Variants in SH3BP5 observed in about 807,000 individuals in gnomAD.
SH3BP5 encodes the protein SH3 domain-binding protein 5.
SH3BP5 carries 22 observed loss-of-function variants against 43.3 expected under a neutral mutation model. That is an observed-to-expected ratio of 0.51 (90% CI 0.36 to 0.73). The LOEUF is 0.73. SH3BP5 is among the 30% of genes least tolerant of loss of function. The pLI is 0.00. For synonymous variants in SH3BP5, 255 were observed against 225.8 expected (o/e 1.13, Z -1.16); for missense variants, 529 against 586.9 (o/e 0.90, Z 1.02).
At chr3:15,305,477 C>T (rs1327717842) in intron 2 of SH3BP5, among the ~76,000 whole-genome samples, 3 of 152,202 alleles carry the variant, frequency 2.0e-5, no homozygotes, top group Non-Finnish European at 4.4e-5. Flanking sequence ...ACAGCCCGTT[C>T]CAGAAAAGTC....
chr3:15,269,783 C>T lies in SH3BP5; in HGVS notation c.425G>A (p.Arg142Gln), dbSNP rs754769798. The T allele has an allele frequency of 2.5e-6, 4 of 1,612,066 alleles. No homozygotes were observed. Among genetic ancestry groups the T allele is most frequent in the African/African-American group, 1.3e-5 (1 of 74,882 alleles). The change falls in exon 4 of 9, where the codon CGG becomes CAG. Residue 142 changes from arginine (R) to glutamine (Q), a missense_variant. Physicochemically the swap from Arg to Gln is conservative, Grantham distance 43 (BLOSUM62 1). Around this residue, in one of 3 missense-constraint regions of SH3BP5, gnomAD observed 85 missense variants for 140.8 expected, o/e 0.60. Transcript: ENST00000383791. ...AKETISLAEQ[R>Q]LLEDDKRQFD... is the part of the protein sequence containing the mutation. The stretch of plus-strand genomic sequence containing the variant: ...CTGCCGCTTGTCATCCTCCAGCAGC[C>T]GCTGCTCGGCCAGGGAGATGGTCTC...
At chr3:15,328,277 G>T (rs911888657) in intron 2 of SH3BP5, among the ~76,000 whole-genome samples, 4 of 152,054 alleles carry the variant, frequency 2.6e-5, no homozygotes, top group African/African-American at 9.7e-5. Flanking sequence ...CAGAAGTAAG[G>T]GCTAAAAAGA....
At chr3:15,256,803 C>T (rs202042505) in intron 8 of SH3BP5, 50 bp downstream of exon 8, 546 of 1,561,772 alleles carry the variant, frequency 3.5e-4, no homozygotes, top group Non-Finnish European at 4.4e-4. Context: ...AACAGTCAGG[C>T]TACAGAGGCA....
chr3:15,329,643 T>C (rs548110939), intron 2 of SH3BP5, among the ~76,000 whole-genome samples: 1 of 152,318 alleles, frequency 6.6e-6, no homozygotes, highest in East Asian at 1.9e-4. Flanking sequence ...TTAGGGACCA[T>C]GTGCTTCTTG....
At chr3:15,331,118 A>G (rs1255418860) in intron 1 of SH3BP5, among the ~76,000 whole-genome samples, 5 of 152,236 alleles carry the variant, frequency 3.3e-5, no homozygotes, top group Non-Finnish European at 7.3e-5. Flanking sequence ...ATAAACATTT[A>G]CAAACTGACA....
chr3:15,319,508 C>A (rs2729679), intron 2 of SH3BP5, among the ~76,000 whole-genome samples: 49,064 of 152,004 alleles, frequency 0.32, 8,527 homozygotes, highest in Non-Finnish European at 0.4. Flanking sequence ...TTTGGCACTG[C>A]CCCAGGATCA....
intron 2 of SH3BP5, among the ~76,000 whole-genome samples, chr3:15,307,427 C>T (rs766799664): frequency 2.0e-5 from 3 of 152,332 alleles, no homozygotes; most frequent in Middle Eastern, 3.4e-3. Context: ...AACACAGATT[C>T]ACTGCTGACT....
At chr3:15,292,256 CCT>C (rs1405260814) in intron 3 of SH3BP5, among the ~76,000 whole-genome samples, 3 of 152,190 alleles carry the variant, frequency 2.0e-5, no homozygotes, top group Admixed American at 6.5e-5. Context: ...AACTCCACAC[CCT>C]GTTTCCCCTC....
At chr3:15,336,838 T>C (rs746000845), upstream of SH3BP5, among the ~76,000 whole-genome samples, 11 of 152,264 alleles carry the variant, frequency 7.2e-5, no homozygotes, top group Non-Finnish European at 1.3e-4. Context: ...CACCCTCTTA[T>C]GTCCACACTT....
chr3:15,305,047 G>C (rs1388238564), intron 2 of SH3BP5, among the ~76,000 whole-genome samples: 1 of 147,128 alleles, frequency 6.8e-6, no homozygotes, highest in Admixed American at 6.8e-5. Flanking sequence ...GAATCAGGAG[G>C]CAGAGGTTGC....
upstream of SH3BP5, chr3:15,333,329 C>G: frequency 1.1e-6 from 1 of 951,252 alleles, no homozygotes; most frequent in Non-Finnish European, 1.3e-6. Context: ...CAGGGGAACG[C>G]AAAGGATGAC....
chr3:15,282,626 A>G (rs1697161352), intron 3 of SH3BP5, among the ~76,000 whole-genome samples: 1 of 151,604 alleles, frequency 6.6e-6, no homozygotes, highest in African/African-American at 2.4e-5. Context: ...CAATCACAAT[A>G]AAACTTTTTT....
At chr3:15,259,700 A>G (rs1696360161) in intron 6 of SH3BP5, 61 bp downstream of exon 6, 2 of 1,502,496 alleles carry the variant, frequency 1.3e-6, no homozygotes, top group African/African-American at 2.8e-5. Flanking sequence ...GCTACCCCAG[A>G]AAAGTGAAGC....
chr3:15,336,726 G>A (rs1434677100), upstream of SH3BP5, among the ~76,000 whole-genome samples: 8 of 152,250 alleles, frequency 5.3e-5, no homozygotes, highest in South Asian at 1.5e-3. Context: ...AGTCAGCAAG[G>A]ACGAGTGGAT....
rs367914258 is a variant in SH3BP5, at chr3:15,290,737, C to T, written c.330+13366G>A. 3.0e-3 allele frequency among the ~76,000 whole-genome samples: 460 copies of T among 152,082 alleles called. 1 individual carries two copies. The highest frequency in any genetic ancestry group is 4.5e-3 in the Non-Finnish European group (307 of 67,972). ...AACCACTTACCCAAAATGAAACCTA[C>T]AAAGTGAGGCTTCCTAACCAGAGCC... On this transcript the variant is annotated intron_variant, in intron 3 of 8. Transcript: ENST00000383791.
chr3:15,272,954 C>T (rs1403722533), intron 3 of SH3BP5, among the ~76,000 whole-genome samples: 1 of 152,088 alleles, frequency 6.6e-6, no homozygotes, highest in Non-Finnish European at 1.5e-5. Context: ...CAACCCCTGC[C>T]CCACCTCGTG....
rs1696178427 is a variant in SH3BP5 at position 15,255,945 on chromosome 3, C to T, written c.*141G>A. 2 of 741,792 alleles carry T rather than the reference C, an allele frequency of 2.7e-6. No homozygotes were observed. Among genetic ancestry groups the T allele is most frequent in the South Asian group, 1.7e-5 (1 of 57,850 alleles). 46.0% of individuals were successfully genotyped at this position (741,792 alleles called of 1,614,324 possible). A position where few individuals can be genotyped will look rare whatever the true frequency, so the allele number is the denominator to read the frequency against. ...TCTTACCCAGAAGAACAATCTTTAG[C>T]CCTCAAGGTCACTGAAACTTCATTA... On this transcript the variant is annotated 3_prime_UTR_variant, in exon 9 of 9. Transcript: ENST00000383791.
chr3:15,269,596 A>G, intron 4 of SH3BP5, 117 bp downstream of exon 4: 1 of 1,139,386 alleles, frequency 8.8e-7, no homozygotes, highest in Non-Finnish European at 1.2e-6. Flanking sequence ...ACAACCTGTG[A>G]TTTTCAGGGT....
At chr3:15,267,191 T>G (rs138697755) in intron 4 of SH3BP5, among the ~76,000 whole-genome samples, 2 of 152,196 alleles carry the variant, frequency 1.3e-5, no homozygotes, top group African/African-American at 4.8e-5. Flanking sequence ...GGGGTCAACA[T>G]GAGCACCACT....
Sources: allele counts gnomAD v4.1 joint callset (sites outside exome capture counted in the v4.1 genomes callset), GRCh38; gene constraint gnomAD v4.1.1; regional missense constraint gnomAD v4.1.1; transcripts MANE v1.5; gene names NCBI Gene and HGNC (gene_info 2026-07-23, HGNC 2026-07-21).